COBL: variants seen among roughly 807,000 people sequenced by gnomAD.
COBL encodes protein cordon-bleu.
A neutral mutation model predicts 98.8 loss-of-function variants in COBL; 51 were observed. The observed-to-expected ratio is 0.52, with a 90% CI of 0.41 to 0.65. The LOEUF (loss-of-function observed/expected upper bound fraction) is 0.65. Ranked by LOEUF, COBL falls within the 30% of genes least tolerant of loss-of-function variation. COBL has a pLI of 0.00. For missense variants in COBL, 1,617 were observed against 1,617.5 expected (o/e 1.00, Z 0.01); for synonymous variants, 634 against 651.7 (o/e 0.97, Z 0.41).
chr7:51,222,717 G>A (rs890912155), intron 1 of COBL, among the ~76,000 whole-genome samples: 2 of 146,740 alleles, frequency 1.4e-5, no homozygotes, highest in Admixed American at 1.4e-4. Context: ...TGTTTTCAGG[G>A]GAAAAAAAAA....
At chr7:51,074,142 C>T (rs1319303662) in intron 7 of COBL, among the ~76,000 whole-genome samples, 1 of 151,558 alleles carries the variant, frequency 6.6e-6, no homozygotes, top group Non-Finnish European at 1.5e-5. Context: ...TAAGAGAATG[C>T]CTGATTCATA....
chr7:51,206,800 A>G (rs1189223595), intron 2 of COBL, among the ~76,000 whole-genome samples: 1 of 152,230 alleles, frequency 6.6e-6, no homozygotes, highest in African/African-American at 2.4e-5. Context: ...TGATTCACTT[A>G]TATGTGGAAT....
chr7:51,082,668 G>A (rs1460883317), intron 7 of COBL, among the ~76,000 whole-genome samples: 1 of 152,084 alleles, frequency 6.6e-6, no homozygotes, highest in Non-Finnish European at 1.5e-5. Context: ...TCTTGAGTGC[G>A]ATCTCTACAG....
rs776394864 is a variant in COBL at position 51,026,663 on chromosome 7, C to T, written c.3387G>A (p.Thr1129=). Residue 1129 remains threonine (T), a splice_region_variant and synonymous_variant, in exon 11 of 13, where the codon ACG becomes ACA. Coordinates refer to ENST00000265136, the MANE Select transcript of COBL (RefSeq NM_015198.5). ...SAGGKDRLRK[T]AEHTGEGRPA... Reference sequence around the variant, plus strand: ...GCCTGCCCTCCCCGGTGTGTTCTGCCGTCTAGAATATTAACAGTGTCACAC... The same window carrying T: ...GCCTGCCCTCCCCGGTGTGTTCTGCTGTCTAGAATATTAACAGTGTCACAC... 8 of 1,613,534 alleles carry T rather than the reference C, an allele frequency of 5.0e-6. No individual in the cohort carries two copies. Among genetic ancestry groups the T allele is most frequent in the East Asian group, 2.2e-5 (1 of 44,864 alleles).
intron 1 of COBL, among the ~76,000 whole-genome samples, chr7:51,242,032 C>T (rs1258909825): frequency 6.6e-6 from 1 of 152,204 alleles, no homozygotes; most frequent in East Asian, 1.9e-4. Context: ...CTGAAAGCAC[C>T]TCTGACTGGT....
In COBL at chr7:51,219,832, C is replaced by A; in HGVS notation, c.154G>T (p.Val52Phe). 6.2e-7 allele frequency: 1 copy of A among 1,614,076 alleles called. No individual in the cohort carries two copies. Among genetic ancestry groups the A allele is most frequent in the Non-Finnish European group, 8.5e-7 (1 of 1,180,030 alleles). The part of the protein sequence containing the change: ...DGALGSQQNL[V>F]RMKEALRAST... ...GCCCTCAGCGCCTCCTTCATGCGAACCAAGTTCTGCTGCGACCCGAGGGCC... is the reference window on the plus strand; with the variant it reads ...GCCCTCAGCGCCTCCTTCATGCGAAACAAGTTCTGCTGCGACCCGAGGGCC... The change falls in exon 2 of 13, where the codon GTT becomes TTT. Residue 52 changes from valine (V) to phenylalanine (F), a missense_variant. Physicochemically the swap from Val to Phe is conservative, Grantham distance 50 (BLOSUM62 -1). This residue lies in a region of COBL where 238 missense variants were observed against 215.0 expected (regional missense o/e 1.11). Coordinates refer to ENST00000265136, the MANE Select transcript of COBL (RefSeq NM_015198.5).
At chr7:51,245,221 C>G (rs2129129101) in intron 1 of COBL, among the ~76,000 whole-genome samples, 1 of 152,284 alleles carries the variant, frequency 6.6e-6, no homozygotes. Context: ...GAAACTCCTG[C>G]TTTCACATCT....
intron 1 of COBL, among the ~76,000 whole-genome samples, chr7:51,241,186 G>A (rs1584280499): frequency 6.6e-6 from 1 of 152,222 alleles, no homozygotes; most frequent in East Asian, 1.9e-4. Context: ...GCAAATTCCA[G>A]TTTTGATCAC....
intron 5 of COBL, among the ~76,000 whole-genome samples, chr7:51,138,865 C>T (rs1241731447): frequency 6.6e-6 from 1 of 152,204 alleles, no homozygotes; most frequent in Non-Finnish European, 1.5e-5. Context: ...AATTGCTTGT[C>T]TTCATTCCAC....
chr7:51,150,409 C>G (rs918450828), intron 5 of COBL, among the ~76,000 whole-genome samples: 1 of 152,192 alleles, frequency 6.6e-6, no homozygotes. Flanking sequence ...AGAGAGACAT[C>G]ACTAGTCAAC....
intron 1 of COBL, among the ~76,000 whole-genome samples, chr7:51,223,336 C>A (rs995015333): frequency 1.3e-5 from 2 of 152,224 alleles, no homozygotes; most frequent in Admixed American, 6.5e-5. Flanking sequence ...GTCACACTAA[C>A]AAAATGAATT....
At chr7:51,301,574 C>T (rs1251361218) in intron 1 of COBL, among the ~76,000 whole-genome samples, 1 of 152,268 alleles carries the variant, frequency 6.6e-6, no homozygotes, top group Non-Finnish European at 1.5e-5. Context: ...TTCCCTCACA[C>T]CTGAGTGTCG....
At chr7:51,293,328 G>A (rs567557078) in intron 1 of COBL, among the ~76,000 whole-genome samples, 13 of 152,286 alleles carry the variant, frequency 8.5e-5, no homozygotes, top group African/African-American at 3.1e-4. Context: ...AGCTTTATTT[G>A]TAATAGCTAA....
intron 5 of COBL, among the ~76,000 whole-genome samples, chr7:51,149,617 T>C (rs968690838): frequency 3.3e-5 from 5 of 152,114 alleles, no homozygotes; most frequent in Non-Finnish European, 5.9e-5. Context: ...GTTTTGTATT[T>C]TGTTTTTGAG....
intron 6 of COBL, among the ~76,000 whole-genome samples, chr7:51,117,097 A>C (rs1406997109): frequency 9.0e-6 from 1 of 110,782 alleles, no homozygotes; most frequent in Non-Finnish European, 1.7e-5. Context: ...CCCTGCACAA[A>C]ATATGGCATT....
chr7:51,294,719 T>C (rs540805134), intron 1 of COBL, among the ~76,000 whole-genome samples: 2 of 152,142 alleles, frequency 1.3e-5, no homozygotes, highest in South Asian at 2.1e-4. Flanking sequence ...TTGATATTGC[T>C]AGCCTCTAAC....
intron 1 of COBL, among the ~76,000 whole-genome samples, chr7:51,314,447 C>A (rs1434090371): frequency 6.6e-6 from 1 of 152,176 alleles, no homozygotes; most frequent in Non-Finnish European, 1.5e-5. Flanking sequence ...ACAGAATCTG[C>A]CTGCCACCAA....
chr7:51,074,219 CAG>C (rs1254495186), intron 7 of COBL, among the ~76,000 whole-genome samples: 2 of 95,780 alleles, frequency 2.1e-5, no homozygotes, highest in East Asian at 3.5e-4. Context: ...TTTTTTGAGA[CAG>C]AGTCTCGCTC....
At position 51,240,924 on chromosome 7, in the gene COBL, G is replaced by A. The variant is rs139425317; in HGVS notation, c.42-20980C>T. ...CCACCCTTTCCTCGGAGAGCTGGCT[G>A]TTCAACAGTTCCTAGCCTAGCAAGG... is the stretch of plus-strand genomic sequence containing the variant. On this transcript the variant is annotated intron_variant, in intron 1 of 12. Transcript: ENST00000265136. Among the ~76,000 whole-genome samples, 560 of 152,320 alleles carry A rather than the reference G, an allele frequency of 3.7e-3. 1 individual carries two copies. Among genetic ancestry groups the A allele is most frequent in the African/African-American group, 0.013 (542 of 41,564 alleles).
Sources: gnomAD v4.1 joint callset for allele counts (sites outside exome capture counted in the v4.1 genomes callset) on GRCh38, gnomAD v4.1.1 for gene constraint, gnomAD v4.1.1 regional missense constraint, MANE v1.5 for transcripts, NCBI Gene and HGNC (gene_info 2026-07-23, HGNC 2026-07-21) for gene names.